CDH20: variants seen among roughly 807,000 people sequenced by gnomAD.
CDH20 encodes cadherin-20.
In CDH20, 29 loss-of-function variants were observed where a neutral mutation model predicts 74.2. The observed-to-expected ratio is 0.39, with a 90% CI of 0.29 to 0.53. The LOEUF (loss-of-function observed/expected upper bound fraction) is 0.53. CDH20 is among the 20% of genes least tolerant of loss of function. The pLI is 0.69. For missense variants in CDH20, 988 were observed against 1,048.3 expected, an observed-to-expected ratio of 0.94 and a Z score of 0.79; for synonymous variants, 469 against 405.4, an observed-to-expected ratio of 1.16 and a Z score of -1.88.
chr18:61,541,713 C>T lies in CDH20; in HGVS notation c.1530+2568C>T, dbSNP rs957073153. Among the ~76,000 whole-genome samples, 21 of 152,162 alleles carry T rather than the reference C, an allele frequency of 1.4e-4. 1 individual carries two copies. The highest frequency in any genetic ancestry group is 4.2e-4 in the South Asian group (2 of 4,818). On this transcript the variant is annotated intron_variant, in intron 9 of 11. Transcript: ENST00000262717. ...GAGATACATCTGGTTTATAAAGTAT[C>T]GGGCCTCCTTGTGTTTACTTGTTGG...
In CDH20 at chr18:61,340,226, C is replaced by CTTTTT. The variant is rs59628153; in HGVS notation, c.-153+6405_-153+6409dup. ...TGTCTTTAGCTAAATCTTCAGCCTT[C>CTTTTT]TTTTTTTTTTAAAGGTCTGACCTTA... On this transcript the variant is annotated intron_variant, in intron 1 of 11. Coordinates refer to ENST00000262717, the MANE Select transcript of CDH20 (RefSeq NM_031891.4). Among the ~76,000 whole-genome samples, 6 of 119,738 alleles carry CTTTTT rather than the reference C, an allele frequency of 5.0e-5. 1 individual carries two copies. In the South Asian group the frequency reaches 1.4e-3, roughly 27 times the overall value. The allele number at this position is 119,738 out of a possible 152,430, so 78.6% of individuals were successfully genotyped here.
chr18:61,440,490 A>T (rs538013171), intron 1 of CDH20, among the ~76,000 whole-genome samples: 1 of 152,310 alleles, frequency 6.6e-6, no homozygotes, highest in East Asian at 1.9e-4. Flanking sequence ...TCAGTTATCT[A>T]TTGCCACAAT....
At chr18:61,547,343 C>G (rs558792881) in intron 10 of CDH20, among the ~76,000 whole-genome samples, 1 of 152,196 alleles carries the variant, frequency 6.6e-6, no homozygotes, top group Admixed American at 6.5e-5. Context: ...AAAGCCACCA[C>G]AACAAAAACT....
intron 6 of CDH20, among the ~76,000 whole-genome samples, chr18:61,508,487 T>C (rs904987041): frequency 1.3e-5 from 2 of 149,568 alleles, no homozygotes; most frequent in South Asian, 2.2e-4. Flanking sequence ...CAAACTTAAA[T>C]TGGATGGTTG....
At chr18:61,412,836 T>C (rs1352891703) in intron 1 of CDH20, among the ~76,000 whole-genome samples, 1 of 152,200 alleles carries the variant, frequency 6.6e-6, no homozygotes, top group Non-Finnish European at 1.5e-5. Flanking sequence ...GTATGACCCA[T>C]ATTTGCAACA....
In CDH20 at chr18:61,554,598, C is replaced by G; in HGVS notation, c.2309C>G (p.Ser770Trp). Residue 770 changes from serine to tryptophan, a missense_variant, in exon 12 of 12, where the codon TCG becomes TGG. By Grantham distance (177) the Ser-to-Trp change is radical. This residue lies in a region of CDH20 where 375 missense variants were observed against 293.1 expected (regional missense o/e 1.28). Coordinates refer to ENST00000262717, the MANE Select transcript of CDH20 (RefSeq NM_031891.4). ...LSSLQSATSD[S>W]EQSFDFLTDW... ...TCCCTGCAGTCGGCCACGTCGGACT[C>G]GGAACAGAGCTTCGACTTCCTGACG... 1 of 1,608,698 alleles carries G rather than the reference C, an allele frequency of 6.2e-7. No homozygotes were observed. Among genetic ancestry groups the G allele is most frequent in the Non-Finnish European group, 8.5e-7 (1 of 1,178,270 alleles).
chr18:61,549,438 G>A (rs1342862706), intron 10 of CDH20, among the ~76,000 whole-genome samples: 1 of 152,194 alleles, frequency 6.6e-6, no homozygotes, highest in East Asian at 1.9e-4. Context: ...AGGTTCTTTA[G>A]GAAACACAGG....
intron 1 of CDH20, among the ~76,000 whole-genome samples, chr18:61,359,597 T>C (rs1360078867): frequency 2.0e-5 from 3 of 152,044 alleles, no homozygotes; most frequent in African/African-American, 7.2e-5. Context: ...TAAACTAAGA[T>C]ATGTGCTTCT....
intron 1 of CDH20, among the ~76,000 whole-genome samples, chr18:61,444,513 G>C (rs999830878): frequency 6.6e-6 from 1 of 152,146 alleles, no homozygotes; most frequent in Admixed American, 6.5e-5. Context: ...GGAAAAGTTG[G>C]TAAATGGAGG....
chr18:61,491,349 A>T (rs1472506380), intron 2 of CDH20, among the ~76,000 whole-genome samples: 2 of 152,184 alleles, frequency 1.3e-5, no homozygotes, highest in African/African-American at 4.8e-5. Context: ...TCATTATTTC[A>T]TCTTTAATCC....
rs375459355 is a variant in CDH20, at chr18:61,550,274, G to A, written c.1900+45G>A. On this transcript the variant is annotated intron_variant, in intron 11 of 11. Transcript: ENST00000262717. ...CCCTTCTGTGGAGTCCTGCCAGTGCGCACTCAGACATTTGTTCATTACCTT... is the reference window on the plus strand; with the variant it reads ...CCCTTCTGTGGAGTCCTGCCAGTGCACACTCAGACATTTGTTCATTACCTT... 299 of 1,584,952 alleles carry A rather than the reference G, an allele frequency of 1.9e-4. 2 individuals carry two copies. The South Asian group carries it at 2.3e-3, about 12-fold the overall frequency.
chr18:61,495,712 T>C (rs661051), intron 2 of CDH20, among the ~76,000 whole-genome samples: 151,995 of 152,260 alleles, frequency 1, 75,866 homozygotes, highest in Middle Eastern at 1. Flanking sequence ...CCACCTCCCT[T>C]GTGTGTTGCC....
At chr18:61,553,930 G>A (rs145985292) in intron 11 of CDH20, among the ~76,000 whole-genome samples, 3 of 152,238 alleles carry the variant, frequency 2.0e-5, no homozygotes, top group East Asian at 1.9e-4. Flanking sequence ...GCAAGCTGAT[G>A]GTAAGCGACT....
At chr18:61,526,417 C>T (rs549540509) in intron 6 of CDH20, among the ~76,000 whole-genome samples, 1 of 152,170 alleles carries the variant, frequency 6.6e-6, no homozygotes, top group Admixed American at 6.5e-5. Flanking sequence ...GTACATGCCT[C>T]TCTCTAACAT....
intron 1 of CDH20, among the ~76,000 whole-genome samples, chr18:61,425,240 A>C (rs1210872178): frequency 6.6e-6 from 1 of 152,166 alleles, no homozygotes; most frequent in Non-Finnish European, 1.5e-5. Context: ...TTTACAGTTC[A>C]GTTTCCCCAA....
intron 1 of CDH20, among the ~76,000 whole-genome samples, chr18:61,405,828 A>G (rs2144236207): frequency 1.3e-5 from 2 of 152,314 alleles, no homozygotes; most frequent in South Asian, 4.1e-4. Flanking sequence ...ACTGTGCCAC[A>G]TGCTTAAGGT....
intron 1 of CDH20, among the ~76,000 whole-genome samples, chr18:61,375,748 A>G (rs888729757): frequency 6.6e-6 from 1 of 152,058 alleles, no homozygotes; most frequent in Non-Finnish European, 1.5e-5. Flanking sequence ...AATTAACAGG[A>G]TACCATATGC....
intron 1 of CDH20, among the ~76,000 whole-genome samples, chr18:61,476,456 C>A (rs1910390167): frequency 6.6e-6 from 1 of 152,120 alleles, no homozygotes; most frequent in Non-Finnish European, 1.5e-5. Context: ...ATTCCTGATC[C>A]ATAGAAAACT....
rs528852127 is a variant in CDH20, at chr18:61,413,981, G to A, written c.-152-76421G>A. 8.5e-5 allele frequency among the ~76,000 whole-genome samples: 13 copies of A among 152,294 alleles called. No individual in the cohort carries two copies. The South Asian group carries it at 2.7e-3, about 32-fold the overall frequency. On this transcript the variant is annotated intron_variant, in intron 1 of 11. Transcript: ENST00000262717. ...CATAATACACCTCAGTAGGTCAAGA[G>A]AAATGTAATTTTGATGTAGACATAA...
Sources: gnomAD v4.1 joint callset for allele counts (sites outside exome capture counted in the v4.1 genomes callset) on GRCh38, gnomAD v4.1.1 for gene constraint, gnomAD v4.1.1 regional missense constraint, MANE v1.5 for transcripts, NCBI Gene and HGNC (gene_info 2026-07-23, HGNC 2026-07-21) for gene names.